CDKL5: variants seen among roughly 807,000 people sequenced by gnomAD.
CDKL5 encodes cyclin-dependent kinase-like 5.
In CDKL5, 8 loss-of-function variants were observed where a neutral mutation model predicts 61.7. The observed-to-expected ratio is 0.13, with a 90% CI of 0.08 to 0.23. CDKL5 has a LOEUF of 0.23. CDKL5 is among the 10% of genes least tolerant of loss of function. The pLI is 1.00. For missense variants in CDKL5, 440 were observed against 734.5 expected, an observed-to-expected ratio of 0.60 and a Z score of 4.63; for synonymous variants, 275 against 272.3, an observed-to-expected ratio of 1.01 and a Z score of -0.10.
At chrX:18,584,224 T>A in intron 7 of CDKL5, 39 bp from the exon 8 acceptor site, 1 of 934,143 alleles carries the variant, frequency 1.1e-6, no homozygotes. Flanking sequence ...TTATTATTTC[T>A]TTTTCAAAGT....
At chrX:18,458,215 A>T (rs1013562808) in intron 1 of CDKL5, among the ~76,000 whole-genome samples, 38 of 110,157 alleles carry the variant, frequency 3.4e-4, no homozygotes, top group Non-Finnish European at 6.4e-4. Context: ...GAGCCACCGC[A>T]CCCAGCCTGC....
rs1359981585 is a variant in CDKL5, at chrX:18,629,811, G to A, written c.*1054G>A. ...TCCAGGGACGTTACTTGCACACAGGGGAGAATAGATTGAGGCGTTACTCGT... is the reference window on the plus strand; with the variant it reads ...TCCAGGGACGTTACTTGCACACAGGAGAGAATAGATTGAGGCGTTACTCGT... On this transcript the variant is annotated 3_prime_UTR_variant, in exon 18 of 18. Transcript: ENST00000623535. 1.3e-6 allele frequency: 1 copy of A among 752,649 alleles called. No homozygotes were observed. Among genetic ancestry groups the A allele is most frequent in the Non-Finnish European group, 1.6e-6 (1 of 638,963 alleles). 62.0% of individuals were successfully genotyped at this position (752,649 alleles called of 1,213,427 possible).
chrX:18,632,980 ATCTG>A lies in CDKL5; in HGVS notation c.*4227_*4230del, dbSNP rs774261561. The A allele has an allele frequency of 1.3e-6, 1 of 752,940 alleles. No individual in the cohort carries two copies. Among genetic ancestry groups the A allele is most frequent in the African/African-American group, 2.3e-5 (1 of 43,376 alleles). 62.1% of individuals were successfully genotyped at this position (752,940 alleles called of 1,213,427 possible). A position where few individuals can be genotyped will look rare whatever the true frequency, so the allele number is the denominator to read the frequency against. On this transcript the variant is annotated 3_prime_UTR_variant, in exon 18 of 18. Coordinates refer to ENST00000623535, the MANE Select transcript of CDKL5 (RefSeq NM_001323289.2). ...GATTACTTTGCAAGTGTGTAGAAAG[ATCTG>A]TCTATTTCTGTTCACCTGGGACCTG...
At chrX:18,434,765 A>G (rs989473774) in intron 1 of CDKL5, among the ~76,000 whole-genome samples, 3 of 110,281 alleles carry the variant, frequency 2.7e-5, no homozygotes, top group Non-Finnish European at 5.7e-5. Context: ...CTCTCTCTAC[A>G]AAAAATACAA....
intron 3 of CDKL5, among the ~76,000 whole-genome samples, chrX:18,528,237 ATTTTTTTTTTTT>A (rs749197887): frequency 3.8e-4 from 26 of 68,423 alleles, no homozygotes; most frequent in African/African-American, 1.0e-3. Context: ...ACCCATACTC[ATTTTTTTTTTTT>A]TTTTTTTTTT....
intron 3 of CDKL5, among the ~76,000 whole-genome samples, chrX:18,537,414 G>T (rs1364002659): frequency 8.9e-6 from 1 of 111,967 alleles, no homozygotes; most frequent in Admixed American, 9.5e-5. Flanking sequence ...CCTTTGACCA[G>T]TTTTTCCCAT....
chrX:18,474,896 A>G (rs1921245561), intron 1 of CDKL5, among the ~76,000 whole-genome samples: 1 of 110,775 alleles, frequency 9.0e-6, no homozygotes, highest in Non-Finnish European at 1.9e-5. Flanking sequence ...ATAGGAACAC[A>G]TTTTCTCATT....
chrX:18,589,037 A>G (rs1193624740), intron 9 of CDKL5: 1 of 110,770 alleles, frequency 9.0e-6, no homozygotes, highest in African/African-American at 3.3e-5. Flanking sequence ...CTTAGAAAGT[A>G]TAAACTTTCC....
At chrX:18,520,091 T>C (rs1923191450) in intron 3 of CDKL5, among the ~76,000 whole-genome samples, 1 of 111,912 alleles carries the variant, frequency 8.9e-6, no homozygotes, top group Non-Finnish European at 1.9e-5. Flanking sequence ...TTAAAAAAAT[T>C]GAGGTAAAAG....
chrX:18,647,154 A>T (rs781010833), intron 20 of CDKL5: 38 of 1,195,134 alleles, frequency 3.2e-5, no homozygotes, highest in African/African-American at 1.2e-4. Context: ...ATTTTTTTTT[A>T]AAAGCACATG....
chrX:18,615,272 G>A (rs185126632), intron 15 of CDKL5, among the ~76,000 whole-genome samples: 3 of 112,082 alleles, frequency 2.7e-5, no homozygotes, highest in Non-Finnish European at 3.8e-5. Context: ...TCTGTCATTA[G>A]TTCAACTTGA....
At chrX:18,537,599 A>G (rs1225616047) in intron 3 of CDKL5, among the ~76,000 whole-genome samples, 1 of 111,889 alleles carries the variant, frequency 8.9e-6, no homozygotes, top group Non-Finnish European at 1.9e-5. Context: ...CAGTCAAGCT[A>G]CAGAACGGTT....
chrX:18,431,973 ATC>A (rs1453224381), intron 1 of CDKL5, among the ~76,000 whole-genome samples: 3 of 108,212 alleles, frequency 2.8e-5, no homozygotes. Flanking sequence ...CAGTGGTGTG[ATC>A]TCACCTCACT....
intron 1 of CDKL5, among the ~76,000 whole-genome samples, chrX:18,467,635 G>A (rs1250271624): frequency 1.8e-5 from 2 of 111,750 alleles, no homozygotes; most frequent in African/African-American, 6.5e-5. Context: ...TGCTCCTTGT[G>A]AACTTGAGGA....
intron 1 of CDKL5, among the ~76,000 whole-genome samples, chrX:18,469,317 C>CAAT (rs1921001053): frequency 6.4e-5 from 5 of 77,844 alleles, no homozygotes; most frequent in South Asian, 8.0e-4. Context: ...CCAGCCTGGG[C>CAAT]GACAGAGTGA....
At chrX:18,453,521 T>C (rs1006427297) in intron 1 of CDKL5, among the ~76,000 whole-genome samples, 1 of 111,814 alleles carries the variant, frequency 8.9e-6, no homozygotes, top group African/African-American at 3.2e-5. Context: ...GACCATGATG[T>C]GTATGTACTT....
chrX:18,489,172 G>T (rs914952420), intron 1 of CDKL5, among the ~76,000 whole-genome samples: 1 of 110,312 alleles, frequency 9.1e-6, no homozygotes, highest in Non-Finnish European at 1.9e-5. Flanking sequence ...AGGCTGGAAT[G>T]CAGTGGCATG....
chrX:18,536,566 C>T (rs1923844623), intron 3 of CDKL5, among the ~76,000 whole-genome samples: 1 of 105,267 alleles, frequency 9.5e-6, no homozygotes, highest in African/African-American at 3.5e-5. Flanking sequence ...CTGCCTCAGC[C>T]TCCTGAGTGG....
chrX:18,474,398 C>T (rs910916514), intron 1 of CDKL5, among the ~76,000 whole-genome samples: 4 of 110,783 alleles, frequency 3.6e-5, no homozygotes, highest in African/African-American at 6.6e-5. Flanking sequence ...TACATAAGTC[C>T]CCAAGTTTTA....
Sources: allele counts gnomAD v4.1 joint callset (sites outside exome capture counted in the v4.1 genomes callset), GRCh38; gene constraint gnomAD v4.1.1; transcripts MANE v1.5; gene names NCBI Gene and HGNC (gene_info 2026-07-23, HGNC 2026-07-21).